The following DGKD variants were observed in gnomAD, a reference collection of about 807,000 sequenced individuals.
The protein encoded by DGKD is DAG kinase delta.
In DGKD, 68 loss-of-function variants were observed where a neutral mutation model predicts 154.4. The ratio of observed to expected loss-of-function variants is 0.44; its 90% CI spans 0.36 to 0.54. The LOEUF (loss-of-function observed/expected upper bound fraction) is 0.54, where lower values mean the gene tolerates loss of function less well. Ranked by LOEUF, DGKD falls within the 20% of genes least tolerant of loss-of-function variation. DGKD has a pLI of 0.00. For synonymous variants in DGKD, 693 were observed against 638.0 expected (o/e 1.09, Z -1.30); for missense variants, 1,343 against 1,593.6 (o/e 0.84, Z 2.68).
At chr2:233,367,929 T>C (rs1218896888) in intron 1 of DGKD, among the ~76,000 whole-genome samples, 1 of 150,386 alleles carries the variant, frequency 6.6e-6, no homozygotes, top group Non-Finnish European at 1.5e-5. Flanking sequence ...TGACCTAAAG[T>C]GATCCTCCTG....
chr2:233,432,314 A>G (rs1424115419), intron 3 of DGKD, among the ~76,000 whole-genome samples: 3 of 95,432 alleles, frequency 3.1e-5, no homozygotes, highest in African/African-American at 1.1e-4. Flanking sequence ...TCATGAGGTC[A>G]GGAGATTGTG....
intron 1 of DGKD, among the ~76,000 whole-genome samples, chr2:233,384,249 CATTT>C (rs1489069500): frequency 6.6e-6 from 1 of 152,194 alleles, no homozygotes; most frequent in African/African-American, 2.4e-5. Flanking sequence ...GCTCAGTTCT[CATTT>C]ATGACCTCGC....
intron 10 of DGKD, 95 bp downstream of exon 10, chr2:233,442,090 C>G (rs762262835): frequency 8.9e-7 from 1 of 1,124,198 alleles, no homozygotes; most frequent in Admixed American, 1.8e-5. Flanking sequence ...CTCGGAGCAC[C>G]TGTTCTCAGG....
At chr2:233,464,428 T>A in intron 27 of DGKD, 145 bp downstream of exon 27, 1 of 1,011,522 alleles carries the variant, frequency 9.9e-7, no homozygotes, top group Non-Finnish European at 1.5e-6. Context: ...CAGACTTCGC[T>A]ATTAAAATGC....
chr2:233,461,216 C>T (rs2063627653), intron 24 of DGKD, among the ~76,000 whole-genome samples: 1 of 152,236 alleles, frequency 6.6e-6, no homozygotes, highest in African/African-American at 2.4e-5. Flanking sequence ...GCGGGGCCTG[C>T]CTGCATTCTC....
At chr2:233,453,104 C>T (rs1384896957) in intron 18 of DGKD, among the ~76,000 whole-genome samples, 1 of 152,232 alleles carries the variant, frequency 6.6e-6, no homozygotes, top group Non-Finnish European at 1.5e-5. Context: ...AACTGGATAT[C>T]TCCTTTGTCT....
chr2:233,417,918 A>G (rs912293924), intron 3 of DGKD, among the ~76,000 whole-genome samples: 4 of 152,202 alleles, frequency 2.6e-5, no homozygotes, highest in African/African-American at 9.7e-5. Context: ...GAGGCACAAC[A>G]GTGTTGTGCG....
In DGKD at chr2:233,373,632, C is replaced by T. The variant is rs78730337; in HGVS notation, c.157-14625C>T. On this transcript the variant is annotated intron_variant, in intron 1 of 29. Coordinates refer to ENST00000264057, the MANE Select transcript of DGKD (RefSeq NM_152879.3). ...ACAAAAGGGCATGCTTGTGAAAATA[C>T]AGGATTTAAGTTTCATAATATCCTA... Among the ~76,000 whole-genome samples, 1,451 of 152,290 alleles carry T rather than the reference C, an allele frequency of 9.5e-3. 13 individuals are homozygous for T. The highest frequency in any genetic ancestry group is 0.029 in the East Asian group (148 of 5,192).
At chr2:233,355,899 G>T (rs1271590281) in intron 1 of DGKD, among the ~76,000 whole-genome samples, 1 of 152,182 alleles carries the variant, frequency 6.6e-6, no homozygotes, top group Non-Finnish European at 1.5e-5. Context: ...TTTGGAATTG[G>T]AATAGAAATA....
chr2:233,453,314 G>A (rs982751841), intron 18 of DGKD, among the ~76,000 whole-genome samples: 9 of 152,088 alleles, frequency 5.9e-5, no homozygotes, highest in East Asian at 3.9e-4. Flanking sequence ...AGCCACTGCC[G>A]CCCCTCCTGC....
chr2:233,462,651 C>T lies in DGKD; in HGVS notation c.3102C>T (p.Asn1034=). 6.2e-7 allele frequency: 1 copy of T among 1,614,132 alleles called. No individual in the cohort carries two copies. Among genetic ancestry groups the T allele is most frequent in the Admixed American group, 1.7e-5 (1 of 60,020 alleles). Residue 1034 remains asparagine (N), a synonymous_variant, in exon 26 of 30, where the codon AAC becomes AAT. Coordinates refer to ENST00000264057, the MANE Select transcript of DGKD (RefSeq NM_152879.3). ...YGKPRTTEGL[N]CSFVLEMVNN... ...TGCCTGGTTTCTTCTAGGGGCTCAACTGCAGCTTCGTCCTGGAAATGGTGA... is the reference window on the plus strand; with the variant it reads ...TGCCTGGTTTCTTCTAGGGGCTCAATTGCAGCTTCGTCCTGGAAATGGTGA...
At chr2:233,380,697 A>G (rs1166513740) in intron 1 of DGKD, among the ~76,000 whole-genome samples, 1 of 152,136 alleles carries the variant, frequency 6.6e-6, no homozygotes, top group Non-Finnish European at 1.5e-5. Context: ...TGTTAACACC[A>G]CATACCGCAG....
chr2:233,447,713 C>T, intron 12 of DGKD: 1 of 1,086,582 alleles, frequency 9.2e-7, no homozygotes, highest in Non-Finnish European at 1.1e-6. Flanking sequence ...GGCTCACAGC[C>T]AGGTGGAAAC....
chr2:233,416,466 A>G (rs2061962975), intron 3 of DGKD, among the ~76,000 whole-genome samples: 1 of 125,008 alleles, frequency 8.0e-6, no homozygotes, highest in Non-Finnish European at 1.7e-5. Flanking sequence ...TCAGTGACCA[A>G]AAAAGTGGAT....
intron 1 of DGKD, among the ~76,000 whole-genome samples, chr2:233,374,500 A>G (rs139491194): frequency 2.6e-4 from 39 of 151,926 alleles, no homozygotes; most frequent in African/African-American, 9.4e-4. Flanking sequence ...ATGCCCAGCT[A>G]ATTTTTAGAT....
chr2:233,393,972 G>T (rs1189568558), intron 3 of DGKD, among the ~76,000 whole-genome samples: 1 of 152,072 alleles, frequency 6.6e-6, no homozygotes, highest in Non-Finnish European at 1.5e-5. Context: ...CACCTTGCCC[G>T]GCTGTGTATT....
chr2:233,375,837 C>G (rs973807989), intron 1 of DGKD, among the ~76,000 whole-genome samples: 2 of 152,104 alleles, frequency 1.3e-5, no homozygotes, highest in Non-Finnish European at 2.9e-5. Flanking sequence ...CTACCCACAC[C>G]CCTACTTTTC....
Position 233,440,524 on chromosome 2 carries a change from C to T in DGKD, c.1086-1363C>T, listed in dbSNP as rs1360383718. On this transcript the variant is annotated intron_variant, in intron 9 of 29. Coordinates refer to ENST00000264057, the MANE Select transcript of DGKD (RefSeq NM_152879.3). The surrounding 1 kb of genome is among the most constrained non-coding windows in gnomAD (Gnocchi z 4.9). ...GGGCAGGGTCGCAAGTCAAACTGGG[C>T]GTCCTTCCACGTCTCCCCGAGCTGG... Among the ~76,000 whole-genome samples, 1 of 152,136 alleles carries T rather than the reference C, an allele frequency of 6.6e-6. No homozygotes were observed. Among genetic ancestry groups the T allele is most frequent in the African/African-American group, 2.4e-5 (1 of 41,422 alleles).
chr2:233,364,338 A>C (rs1701925569), intron 1 of DGKD, among the ~76,000 whole-genome samples: 1 of 152,246 alleles, frequency 6.6e-6, no homozygotes, highest in South Asian at 2.1e-4. Flanking sequence ...TTTTGGCTAA[A>C]GGAAAATGCT....
Sources: gnomAD v4.1 joint callset for allele counts (sites outside exome capture counted in the v4.1 genomes callset) on GRCh38, gnomAD v4.1.1 for gene constraint, Gnocchi (gnomAD v3.1) non-coding constraint, MANE v1.5 for transcripts, NCBI Gene and HGNC (gene_info 2026-07-23, HGNC 2026-07-21) for gene names.